The following JMJD1C variants were observed in gnomAD, a reference collection of about 807,000 sequenced individuals.
The protein encoded by JMJD1C is jumonji domain containing 1C.
Under a neutral mutation model 245.3 loss-of-function variants are expected in JMJD1C, and 31 were observed. That is an observed-to-expected ratio of 0.13 (90% CI 0.09 to 0.17). JMJD1C has a LOEUF of 0.17. Ranked by LOEUF, JMJD1C falls within the 10% of genes least tolerant of loss-of-function variation. The pLI is 1.00. For synonymous variants in JMJD1C, 1,057 were observed against 1,017.4 expected, an observed-to-expected ratio of 1.04 and a Z score of -0.74; for missense variants, 2,691 against 3,000.2, an observed-to-expected ratio of 0.90 and a Z score of 2.41.
chr10:63,205,646 G>A (rs1273321165), intron 10 of JMJD1C, among the ~76,000 whole-genome samples: 1 of 152,052 alleles, frequency 6.6e-6, no homozygotes, highest in Non-Finnish European at 1.5e-5. Context: ...CTCACTGTAG[G>A]AACTTCATAG....
intron 1 of JMJD1C, among the ~76,000 whole-genome samples, chr10:63,498,783 T>C (rs914835697): frequency 6.6e-6 from 1 of 152,218 alleles, no homozygotes. Context: ...TACAGTGTTA[T>C]TGTTAACTAA....
At chr10:63,495,767 AAG>A (rs1554952966) in intron 1 of JMJD1C, among the ~76,000 whole-genome samples, 8 of 147,322 alleles carry the variant, frequency 5.4e-5, no homozygotes, top group South Asian at 4.3e-4. Context: ...AAAAAAAAAA[AAG>A]AAGAAGAAAA....
intron 22 of JMJD1C, among the ~76,000 whole-genome samples, chr10:63,178,575 G>A (rs1442762994): frequency 6.6e-6 from 1 of 152,186 alleles, no homozygotes; most frequent in Non-Finnish European, 1.5e-5. Context: ...GTTCCATGAG[G>A]TGAAAGGTTT....
intron 3 of JMJD1C, among the ~76,000 whole-genome samples, chr10:63,258,465 T>C (rs549362323): frequency 6.6e-6 from 1 of 152,346 alleles, no homozygotes; most frequent in East Asian, 1.9e-4. Flanking sequence ...TTTCCTCTTT[T>C]GTCTGACCCC....
At chr10:63,222,936 G>A (rs1848780783) in intron 3 of JMJD1C, 2 of 1,504,848 alleles carry the variant, frequency 1.3e-6, no homozygotes, top group Non-Finnish European at 1.8e-6. Flanking sequence ...AATGAACCCT[G>A]CCATATAATT....
At chr10:63,419,912 C>A (rs1375858000) in intron 1 of JMJD1C, among the ~76,000 whole-genome samples, 4 of 149,872 alleles carry the variant, frequency 2.7e-5, no homozygotes, top group Non-Finnish European at 4.4e-5. Flanking sequence ...CCAAGGTGGG[C>A]AGATCACAAG....
Position 63,205,108 on chromosome 10 carries a change from A to G in JMJD1C, c.5074+1487T>C, listed in dbSNP as rs567251930. 4 of 751,878 alleles carry G rather than the reference A, an allele frequency of 5.3e-6. No individual in the cohort carries two copies. In the South Asian group the frequency reaches 2.4e-4, roughly 45 times the overall value. 46.6% of individuals were successfully genotyped at this position (751,878 alleles called of 1,614,324 possible). A position where few individuals can be genotyped will look rare whatever the true frequency, so the allele number is the denominator to read the frequency against. ...ATAGAAACACTTTATAGTGAATATT[A>G]CTGTTAAGTATCTCTTATTTTGTCC... is the stretch of plus-strand genomic sequence containing the variant. On this transcript the variant is annotated intron_variant, in intron 10 of 25. Transcript: ENST00000399262.
chr10:63,172,341 A>G (rs1842447103), intron 24 of JMJD1C, among the ~76,000 whole-genome samples: 1 of 152,258 alleles, frequency 6.6e-6, no homozygotes, highest in Admixed American at 6.5e-5. Context: ...CACATATAGG[A>G]AGAAGTAAAC....
At chr10:63,411,293 ATTTTTTTTTTTT>A (rs58719205) in intron 1 of JMJD1C, among the ~76,000 whole-genome samples, 1 of 84,544 alleles carries the variant, frequency 1.2e-5, no homozygotes, top group Admixed American at 1.2e-4. Flanking sequence ...TGTGTCACTG[ATTTTTTTTTTTT>A]TTTTTTTTTT....
chr10:63,291,479 G>A (rs886290298), intron 2 of JMJD1C, among the ~76,000 whole-genome samples: 1 of 151,560 alleles, frequency 6.6e-6, no homozygotes, highest in Non-Finnish European at 1.5e-5. Context: ...GCCAGGTGTG[G>A]TGGCAGGCGA....
chr10:63,205,255 G>C (rs1485182221), intron 10 of JMJD1C, among the ~76,000 whole-genome samples: 1 of 152,074 alleles, frequency 6.6e-6, no homozygotes, highest in Non-Finnish European at 1.5e-5. Context: ...CTATTGTTAA[G>C]GACTGTTTGA....
chr10:63,388,942 G>C (rs1947834303), intron 1 of JMJD1C, among the ~76,000 whole-genome samples: 1 of 152,138 alleles, frequency 6.6e-6, no homozygotes, highest in Non-Finnish European at 1.5e-5. Flanking sequence ...AACGATAAAA[G>C]AGATTGATTC....
chr10:63,216,009 G>C (rs1376498420), intron 5 of JMJD1C, among the ~76,000 whole-genome samples: 1 of 152,090 alleles, frequency 6.6e-6, no homozygotes, highest in Non-Finnish European at 1.5e-5. Context: ...TTTTTAAATA[G>C]AAAGTAATTT....
At chr10:63,244,588 G>T (rs1202517541) in intron 3 of JMJD1C, among the ~76,000 whole-genome samples, 1 of 152,098 alleles carries the variant, frequency 6.6e-6, no homozygotes, top group Non-Finnish European at 1.5e-5. Flanking sequence ...CCCTAACAAG[G>T]TGGCACTGTG....
chr10:63,465,322 G>A (rs1182047525), intron 1 of JMJD1C, 173 bp downstream of exon 1: 2 of 681,310 alleles, frequency 2.9e-6, no homozygotes, highest in Non-Finnish European at 4.8e-6. Flanking sequence ...GCCGCTCGGA[G>A]AGACGCAGGG....
chr10:63,495,754 C>A (rs1440044750), intron 1 of JMJD1C, among the ~76,000 whole-genome samples: 24 of 135,740 alleles, frequency 1.8e-4, no homozygotes, highest in African/African-American at 2.9e-4. Flanking sequence ...ACTCCTAACT[C>A]AAAAAAAAAA....
intron 2 of JMJD1C, among the ~76,000 whole-genome samples, chr10:63,291,333 A>AAAAAAAAAAAAAAAAAAAC (rs1554875310): frequency 1.1e-5 from 1 of 92,092 alleles, no homozygotes. Flanking sequence ...AAAAAAAAAA[A>AAAAAAAAAAAAAAAAAAAC]GGGCTGGGCG....
intron 19 of JMJD1C, 44 bp from the exon 20 acceptor site, chr10:63,185,697 TTTTATC>T (rs1206141311): frequency 1.1e-5 from 12 of 1,083,892 alleles, no homozygotes; most frequent in Non-Finnish European, 1.7e-5. Flanking sequence ...ATTTCTGCCT[TTTTATC>T]TTTATTAACA....
At chr10:63,231,480 CA>C (rs1849979463) in intron 3 of JMJD1C, among the ~76,000 whole-genome samples, 1 of 152,134 alleles carries the variant, frequency 6.6e-6, no homozygotes, top group Non-Finnish European at 1.5e-5. Flanking sequence ...AGGGCCTATA[CA>C]GGAACTGCAA....
Sources: gnomAD v4.1 joint callset for allele counts (sites outside exome capture counted in the v4.1 genomes callset) on GRCh38, gnomAD v4.1.1 for gene constraint, MANE v1.5 for transcripts, NCBI Gene and HGNC (gene_info 2026-07-23, HGNC 2026-07-21) for gene names.